The following CCNL1 variants were observed in gnomAD, a reference collection of about 807,000 sequenced individuals.
CCNL1 encodes the protein cyclin-L1.
In CCNL1, 13 loss-of-function variants were observed where a neutral mutation model predicts 60.6. The ratio of observed to expected loss-of-function variants is 0.21; its 90% CI spans 0.14 to 0.34. The LOEUF is 0.34. Ranked by LOEUF, CCNL1 falls within the 10% of genes least tolerant of loss-of-function variation. The probability of loss-of-function intolerance (pLI) is 1.00; values close to 1 mark genes in which losing one functional copy is unlikely to be tolerated. For synonymous variants in CCNL1, 270 were observed against 244.3 expected (o/e 1.10, Z -0.98); for missense variants, 481 against 664.3 (o/e 0.72, Z 3.03).
Position 157,160,004 on chromosome 3 carries a change from T to C in CCNL1, c.91A>G (p.Thr31Ala). 6.4e-7 allele frequency: 1 copy of C among 1,574,488 alleles called. No individual in the cohort carries two copies. Among genetic ancestry groups the C allele is most frequent in the Non-Finnish European group, 8.6e-7 (1 of 1,160,308 alleles). The stretch of plus-strand genomic sequence containing the variant: ...CCTCCCGTCGTGGTCGTCGTCGTGG[T>C]CGTCGTCCCGGAGCTGGAGCCGCCC... Reference protein sequence around the residue: ...SAGGSSSGTTTTTTTTTGGIL... With the variant: ...SAGGSSSGTTATTTTTTGGIL... The change falls in exon 1 of 11, where the codon ACC becomes GCC. Residue 31 changes from threonine (T) to alanine (A), a missense_variant. Physicochemically the swap from Thr to Ala is moderately conservative, Grantham distance 58 (BLOSUM62 0). Coordinates refer to ENST00000295926, the MANE Select transcript of CCNL1 (RefSeq NM_020307.4).
Position 157,147,857 on chromosome 3 carries a change from C to T in CCNL1, c.*384G>A. On this transcript the variant is annotated 3_prime_UTR_variant, in exon 11 of 11. Coordinates refer to ENST00000295926, the MANE Select transcript of CCNL1 (RefSeq NM_020307.4). Reference sequence around the variant, plus strand: ...AAAAATCTTTACACATGCAGACAAACCAGTGTTAAGAAAGTATTCACCATC... The same window carrying T: ...AAAAATCTTTACACATGCAGACAAATCAGTGTTAAGAAAGTATTCACCATC... 2.0e-6 allele frequency: 2 copies of T among 992,970 alleles called. No individual in the cohort carries two copies. The highest frequency in any genetic ancestry group is 2.4e-6 in the Non-Finnish European group (2 of 835,036). The allele number at this position is 992,970 out of a possible 1,614,324, so 61.5% of individuals were successfully genotyped here. A position where few individuals can be genotyped will look rare whatever the true frequency, so the allele number is the denominator to read the frequency against.
chr3:157,145,119 A>G (rs1162568661), downstream of CCNL1, among the ~76,000 whole-genome samples: 5 of 152,318 alleles, frequency 3.3e-5, no homozygotes, highest in South Asian at 4.1e-4. Context: ...GTAATGTTCT[A>G]TAACATGAAA....
At chr3:157,151,817 G>A (rs1439293938) in intron 5 of CCNL1, 5 of 1,115,982 alleles carry the variant, frequency 4.5e-6, no homozygotes, top group Non-Finnish European at 5.5e-6. Flanking sequence ...AGTGAATCTC[G>A]GATGAGAGCT....
At position 157,159,468 on chromosome 3, in the gene CCNL1, T is replaced by G. The variant is rs1560203668; in HGVS notation, c.315A>C (p.Ala105=). 1 of 1,611,208 alleles carries G rather than the reference T, an allele frequency of 6.2e-7. No individual in the cohort carries two copies. The highest frequency in any genetic ancestry group is 8.5e-7 in the Non-Finnish European group (1 of 1,178,980). The change falls in exon 2 of 11, where the codon GCA becomes GCC. Residue 105 remains alanine, a synonymous_variant. Transcript: ENST00000295926. ...AACGATGAAACAACACCTGCCCCGTTGCCATCGCCACCTGCAGACAAGAGA... is the reference window on the plus strand; with the variant it reads ...AACGATGAAACAACACCTGCCCCGTGGCCATCGCCACCTGCAGACAAGAGA... ...ILLRLPQVAM[A]TGQVLFHRFF...
At position 157,147,758 on chromosome 3, in the gene CCNL1, CTT is replaced by C; in HGVS notation, c.*481_*482del. ...CAGCCATTTTGCTATTAAAATTTTC[CTT>C]TTTAATAATTTATTTAAATAAGGTA... On this transcript the variant is annotated 3_prime_UTR_variant, in exon 11 of 11. Transcript: ENST00000295926. 1.0e-6 allele frequency: 1 copy of C among 981,480 alleles called. No individual in the cohort carries two copies. The highest frequency in any genetic ancestry group is 1.2e-6 in the Non-Finnish European group (1 of 826,362). The allele number at this position is 981,480 out of a possible 1,614,324, so 60.8% of individuals were successfully genotyped here. A position where few individuals can be genotyped will look rare whatever the true frequency, so the allele number is the denominator to read the frequency against.
chr3:157,153,556 C>T (rs578240830), intron 3 of CCNL1: 4 of 157,942 alleles, frequency 2.5e-5, no homozygotes, highest in South Asian at 1.8e-4. Flanking sequence ...CAGGCTGGTC[C>T]GATGGTAGTG....
intron 1 of CCNL1, 37 bp from the exon 2 acceptor site, chr3:157,159,516 A>C (rs1384812304): frequency 7.6e-6 from 12 of 1,577,546 alleles, no homozygotes; most frequent in Non-Finnish European, 1.0e-5. Flanking sequence ...CGCAGGGGTC[A>C]GGCGGGCCCG....
At chr3:157,153,349 G>C (rs1010379373) in intron 3 of CCNL1, 193 bp from the exon 4 acceptor site, 1 of 471,526 alleles carries the variant, frequency 2.1e-6, no homozygotes, top group Non-Finnish European at 3.7e-6. Context: ...ACGAGACTAA[G>C]TTCCTAAAGG....
intron 3 of CCNL1, among the ~76,000 whole-genome samples, chr3:157,154,957 C>T (rs1020133610): frequency 2.0e-5 from 3 of 152,026 alleles, no homozygotes; most frequent in African/African-American, 7.3e-5. Context: ...TACATACATA[C>T]ATACATACAT....
chr3:157,149,216 T>C, intron 10 of CCNL1, 71 bp downstream of exon 10: 1 of 1,250,704 alleles, frequency 8.0e-7, no homozygotes, highest in South Asian at 1.3e-5. Flanking sequence ...CTATGTTCAA[T>C]TTTTAAAGAA....
chr3:157,149,821 C>T lies in CCNL1; in HGVS notation c.1021+15G>A, dbSNP rs1738037017. The T allele has an allele frequency of 1.9e-6, 3 of 1,607,254 alleles. No homozygotes were observed. Among genetic ancestry groups the T allele is most frequent in the Non-Finnish European group, 2.5e-6 (3 of 1,178,220 alleles). On this transcript the variant is annotated intron_variant, in intron 8 of 10. Coordinates refer to ENST00000295926, the MANE Select transcript of CCNL1 (RefSeq NM_020307.4). ...TCAGTGCCCCCAAGTCATTTTAATTCTAAATACATCTTACATGGCTTGGAG... is the reference window on the plus strand; with the variant it reads ...TCAGTGCCCCCAAGTCATTTTAATTTTAAATACATCTTACATGGCTTGGAG...
chr3:157,146,920 C>T (rs1487217194), downstream of CCNL1, among the ~76,000 whole-genome samples: 1 of 152,062 alleles, frequency 6.6e-6, no homozygotes, highest in African/African-American at 2.4e-5. Context: ...AGTAGCACAC[C>T]CAACACTTTT....
downstream of CCNL1, among the ~76,000 whole-genome samples, chr3:157,145,943 T>G (rs1737772780): frequency 6.6e-6 from 1 of 152,154 alleles, no homozygotes; most frequent in Non-Finnish European, 1.5e-5. Context: ...AACAAATCAG[T>G]TAAAACAAAT....
intron 10 of CCNL1, chr3:157,149,053 C>CT: frequency 2.0e-6 from 1 of 500,750 alleles, no homozygotes. Flanking sequence ...CCCTCAAGCA[C>CT]TTTGTGGGTA....
intron 5 of CCNL1, chr3:157,151,556 T>C: frequency 3.1e-5 from 31 of 985,980 alleles, no homozygotes; most frequent in Non-Finnish European, 3.7e-5. Flanking sequence ...AGCTGCAAGT[T>C]TGTCGTCTCC....
chr3:157,159,605 G>C, intron 1 of CCNL1, 126 bp from the exon 2 acceptor site: 1 of 1,041,158 alleles, frequency 9.6e-7, no homozygotes, highest in South Asian at 1.5e-5. Flanking sequence ...CGAACAGCCC[G>C]CTGCCAAGTC....
downstream of CCNL1, among the ~76,000 whole-genome samples, chr3:157,145,471 C>A (rs1262364235): frequency 1.5e-3 from 117 of 79,276 alleles, 1 homozygote; most frequent in African/African-American, 4.0e-3. Context: ...AAAACCAAAA[C>A]GGGATTTAAT....
At chr3:157,146,655 G>A, downstream of CCNL1, 1 of 375,804 alleles carries the variant, frequency 2.7e-6, no homozygotes. Context: ...ACATTAATTT[G>A]CTAACAGGGC....
chr3:157,145,452 AAAAAAAAAAAAACC>A (rs1433396983), downstream of CCNL1, among the ~76,000 whole-genome samples: 87 of 148,864 alleles, frequency 5.8e-4, 1 homozygote, highest in Middle Eastern at 3.6e-3. Flanking sequence ...AAAAAAAAAA[AAAAAAAAAAAAACC>A]AAAACGGGAT....
Sources: allele counts gnomAD v4.1 joint callset (sites outside exome capture counted in the v4.1 genomes callset), GRCh38; gene constraint gnomAD v4.1.1; transcripts MANE v1.5; gene names NCBI Gene and HGNC (gene_info 2026-07-23, HGNC 2026-07-21).